Variants in UNC13A observed in about 807,000 individuals in gnomAD.
UNC13A encodes the protein unc-13 homolog A, also known as protein unc-13 homolog A.
Under a neutral mutation model 219.7 loss-of-function variants are expected in UNC13A, and 61 were observed. The observed-to-expected ratio is 0.28, with a 90% CI of 0.23 to 0.34. UNC13A has a LOEUF of 0.34. Ranked by LOEUF, UNC13A falls within the 10% of genes least tolerant of loss-of-function variation. The pLI is 1.00. For missense variants in UNC13A, 1,476 were observed against 2,270.3 expected (o/e 0.65, Z 7.11); for synonymous variants, 920 against 884.6 (o/e 1.04, Z -0.71).
intron 1 of UNC13A, among the ~76,000 whole-genome samples, chr19:17,680,871 T>TC (rs906365267): frequency 4.6e-5 from 6 of 130,686 alleles, no homozygotes; most frequent in Non-Finnish European, 9.9e-5. Flanking sequence ...TTCTTCTTCT[T>TC]TTTTTTTCTT....
chr19:17,620,653 T>C, intron 38 of UNC13A, 40 bp downstream of exon 38: 1 of 1,590,266 alleles, frequency 6.3e-7, no homozygotes, highest in East Asian at 2.3e-5. Context: ...TGGGGGGGAG[T>C]GGGATGGGAG....
intron 5 of UNC13A, among the ~76,000 whole-genome samples, chr19:17,668,487 A>G (rs1432912548): frequency 1.3e-5 from 2 of 151,990 alleles, no homozygotes; most frequent in Non-Finnish European, 2.9e-5. Context: ...TAATTTTTTA[A>G]TTTTTAAATT....
At position 17,618,469 on chromosome 19, in the gene UNC13A, C is replaced by T. The variant is rs1360984247; in HGVS notation, c.4362G>A (p.Leu1454=). The T allele has an allele frequency of 6.3e-7, 1 of 1,593,702 alleles. No homozygotes were observed. The highest frequency in any genetic ancestry group is 8.5e-7 in the Non-Finnish European group (1 of 1,169,948). Residue 1454 remains leucine, a synonymous_variant, in exon 40 of 44, where the codon TTG becomes TTA. Coordinates refer to ENST00000519716, the MANE Select transcript of UNC13A (RefSeq NM_001080421.3). ...CAACAACCGCGCACTGCTTTGGGGTCAAGCTCTTGGCTTCTTCTCGTACCA... is the reference window on the plus strand; with the variant it reads ...CAACAACCGCGCACTGCTTTGGGGTTAAGCTCTTGGCTTCTTCTCGTACCA... ...DHMVREEAKS[L]TPKQCAVVEL... is the part of the protein sequence containing the mutation.
intron 25 of UNC13A, among the ~76,000 whole-genome samples, chr19:17,636,806 T>C (rs2076916945): frequency 6.6e-6 from 1 of 152,158 alleles, no homozygotes; most frequent in African/African-American, 2.4e-5. Flanking sequence ...TTCAACCCAA[T>C]TCAACTGAAA....
chr19:17,630,430 T>A, intron 29 of UNC13A, 142 bp from the exon 30 acceptor site: 1 of 1,402,664 alleles, frequency 7.1e-7, no homozygotes, highest in South Asian at 1.4e-5. Context: ...AGACTTAGAG[T>A]CAACTCTAGA....
intron 26 of UNC13A, among the ~76,000 whole-genome samples, 177 bp downstream of exon 26, chr19:17,635,847 T>C (rs1050321284): frequency 6.6e-6 from 1 of 152,230 alleles, no homozygotes; most frequent in Non-Finnish European, 1.5e-5. Flanking sequence ...CAATTTTATG[T>C]TTATGTTTGC....
Position 17,656,255 on chromosome 19 carries a change from C to A in UNC13A, c.911G>T (p.Cys304Phe). 6.4e-7 allele frequency: 1 copy of A among 1,551,986 alleles called. No individual in the cohort carries two copies. The highest frequency in any genetic ancestry group is 8.7e-7 in the Non-Finnish European group (1 of 1,147,114). The change falls in exon 10 of 44, where the codon TGC becomes TTC. Residue 304 changes from cysteine (C) to phenylalanine (F), a missense_variant. Cys to Phe is a radical substitution (Grantham distance 205). Around this residue, in one of 14 missense-constraint regions of UNC13A, gnomAD observed 351 missense variants for 342.6 expected, o/e 1.02. Transcript: ENST00000519716. The part of the protein sequence containing the change: ...DERDRDSYHS[C>F]HSSVSYHKDS... Reference sequence around the variant, plus strand: ...TTTGTGGTAGCTGACCGAGCTGTGGCAGGAGTGGTAGGAGTCCCGGTCCCG... The same window carrying A: ...TTTGTGGTAGCTGACCGAGCTGTGGAAGGAGTGGTAGGAGTCCCGGTCCCG...
intron 38 of UNC13A, among the ~76,000 whole-genome samples, chr19:17,619,671 G>A (rs1490208011): frequency 7.2e-5 from 11 of 151,954 alleles, no homozygotes; most frequent in Non-Finnish European, 1.2e-4. Flanking sequence ...GGGCTCAATC[G>A]ATCCTCCTAC....
intron 1 of UNC13A, among the ~76,000 whole-genome samples, chr19:17,679,089 T>C (rs8100660): frequency 0.32 from 48,782 of 151,810 alleles, 10,346 homozygotes; most frequent in African/African-American, 0.6. Context: ...TAAGATCCCA[T>C]GTCTAAAAAT....
chr19:17,651,264 C>A (rs2079342143), intron 12 of UNC13A, among the ~76,000 whole-genome samples: 4 of 150,190 alleles, frequency 2.7e-5, no homozygotes, highest in Non-Finnish European at 4.4e-5. Flanking sequence ...AAAAAAAATT[C>A]TTTTGTAGAG....
At position 17,639,442 on chromosome 19, in the gene UNC13A, C is replaced by T. The variant is rs2076944410; in HGVS notation, c.2940G>A (p.Arg980=). 6.2e-7 allele frequency: 1 copy of T among 1,612,598 alleles called. No individual in the cohort carries two copies. The highest frequency in any genetic ancestry group is 1.3e-5 in the African/African-American group (1 of 74,910). Residue 980 remains arginine (R), a synonymous_variant, in exon 24 of 44, where the codon CGG becomes CGA. Transcript: ENST00000519716. ...CAACTGGATCCTTTCCTACCTTCAT[C>T]CGAAAGAAGGTGATGCTGGTGAGAA... ...VDLLTSITFF[R]MKVQELQSPP...
intron 19 of UNC13A, among the ~76,000 whole-genome samples, chr19:17,645,111 C>T (rs944582660): frequency 2.7e-5 from 4 of 147,832 alleles, no homozygotes; most frequent in Admixed American, 6.9e-5. Context: ...TGGGTTCAAG[C>T]GATTCTCCTG....
At chr19:17,650,918 C>T (rs1279176476) in intron 12 of UNC13A, among the ~76,000 whole-genome samples, 2 of 148,062 alleles carry the variant, frequency 1.4e-5, no homozygotes, top group East Asian at 2.0e-4. Flanking sequence ...AGGTGTACAC[C>T]GCCACACCCA....
chr19:17,648,094 C>T (rs1307515736), intron 16 of UNC13A, among the ~76,000 whole-genome samples: 1 of 149,106 alleles, frequency 6.7e-6, no homozygotes, highest in Non-Finnish European at 1.5e-5. Context: ...CAGAGCTACC[C>T]CTAGCTAACC....
intron 34 of UNC13A, among the ~76,000 whole-genome samples, chr19:17,626,135 A>G (rs62119950): frequency 0.12 from 17,758 of 151,478 alleles, 1,179 homozygotes; most frequent in Middle Eastern, 0.2. Flanking sequence ...ATATTTATCC[A>G]CATATCCAAC....
At chr19:17,623,273 A>G in intron 36 of UNC13A, 1 of 443,702 alleles carries the variant, frequency 2.3e-6, no homozygotes, top group Non-Finnish European at 4.0e-6. Flanking sequence ...GCTGCGAAGG[A>G]GGAGCTGGGC....
intron 31 of UNC13A, 115 bp downstream of exon 31, chr19:17,629,125 T>C: frequency 1.2e-6 from 1 of 827,332 alleles, no homozygotes; most frequent in Non-Finnish European, 1.9e-6. Context: ...TCCAGTCAGA[T>C]CACACACAGG....
At chr19:17,680,895 T>C (rs1179341867) in intron 1 of UNC13A, among the ~76,000 whole-genome samples, 1,231 of 98,582 alleles carry the variant, frequency 0.012, 19 homozygotes, top group African/African-American at 0.049. Flanking sequence ...TTTTCTTTTT[T>C]TTTTTTTTTT....
chr19:17,636,971 CTA>C (rs1038257898), intron 25 of UNC13A, among the ~76,000 whole-genome samples: 8 of 151,420 alleles, frequency 5.3e-5, no homozygotes, highest in Middle Eastern at 3.4e-3. Context: ...GTTCTTCTCT[CTA>C]TTTTTTTTTT....
Sources: allele counts gnomAD v4.1 joint callset (sites outside exome capture counted in the v4.1 genomes callset), GRCh38; gene constraint gnomAD v4.1.1; regional missense constraint gnomAD v4.1.1; transcripts MANE v1.5; gene names NCBI Gene and HGNC (gene_info 2026-07-23, HGNC 2026-07-21).